The following ESRRG variants were observed in gnomAD, a reference collection of about 807,000 sequenced individuals.
The protein encoded by ESRRG is estrogen-related receptor gamma.
ESRRG carries 13 observed loss-of-function variants against 44.0 expected under a neutral mutation model. The observed-to-expected ratio is 0.30, with a 90% CI of 0.19 to 0.47. The LOEUF is 0.47. ESRRG is among the 20% of genes least tolerant of loss of function. The pLI, the probability that ESRRG is intolerant of heterozygous loss-of-function variation, is 1.00. For missense variants in ESRRG, 395 were observed against 580.6 expected (o/e 0.68, Z 3.29); for synonymous variants, 215 against 214.6 (o/e 1.00, Z -0.02).
intron 1 of ESRRG, chr1:216,714,568 A>G (rs2084387032): frequency 1.0e-6 from 1 of 982,560 alleles, no homozygotes; most frequent in Middle Eastern, 5.2e-4. Flanking sequence ...TGGTGACCAC[A>G]TTCTCAGGAT....
chr1:216,955,729 A>G (rs1345716571), intron 1 of ESRRG, among the ~76,000 whole-genome samples: 1 of 152,070 alleles, frequency 6.6e-6, no homozygotes, highest in Non-Finnish European at 1.5e-5. Flanking sequence ...CTTTTTGGTA[A>G]TAGCCATTCT....
intron 3 of ESRRG, among the ~76,000 whole-genome samples, chr1:216,595,839 T>C (rs190160666): frequency 2.6e-5 from 4 of 152,354 alleles, no homozygotes; most frequent in Non-Finnish European, 2.9e-5. Flanking sequence ...GCATTTTTTT[T>C]CCACATAATT....
In ESRRG at chr1:216,795,159, G is replaced by A. The variant is rs566984179; in HGVS notation, c.-13-117668C>T. On this transcript the variant is annotated intron_variant, in intron 2 of 7. Coordinates refer to the ESRRG transcript ENST00000359162. ...CTTACTTCTCAAAAATGTGAGTACC[G>A]ACCTGAAGACACGAAGTAATGTGTT... 1.1e-4 allele frequency among the ~76,000 whole-genome samples: 17 copies of A among 152,042 alleles called. No individual in the cohort carries two copies. The South Asian group carries it at 3.5e-3, about 32-fold the overall frequency.
At chr1:216,676,265 C>A (rs1427923055) in intron 2 of ESRRG, among the ~76,000 whole-genome samples, 3 of 151,944 alleles carry the variant, frequency 2.0e-5, no homozygotes, top group South Asian at 2.1e-4. Context: ...AAATTTCAGT[C>A]CTATTTTTCT....
chr1:216,955,069 T>C (rs2067694733), intron 1 of ESRRG, among the ~76,000 whole-genome samples: 1 of 152,184 alleles, frequency 6.6e-6, no homozygotes, highest in African/African-American at 2.4e-5. Context: ...ATTTCTCTTC[T>C]AGATTTTTTG....
At chr1:216,752,928 T>C (rs1347210814) in intron 2 of ESRRG, among the ~76,000 whole-genome samples, 1 of 152,080 alleles carries the variant, frequency 6.6e-6, no homozygotes, top group Non-Finnish European at 1.5e-5. Flanking sequence ...CAGAACTGTT[T>C]CAAGAAGAAT....
At chr1:216,916,231 T>C (rs1011424342) in intron 2 of ESRRG, among the ~76,000 whole-genome samples, 4 of 152,196 alleles carry the variant, frequency 2.6e-5, no homozygotes, top group African/African-American at 9.6e-5. Flanking sequence ...TTTCAAGTGC[T>C]CCCCTGTGTT....
At chr1:216,720,555 A>C (rs940197973) in intron 1 of ESRRG, among the ~76,000 whole-genome samples, 2 of 152,112 alleles carry the variant, frequency 1.3e-5, no homozygotes, top group South Asian at 4.1e-4. Flanking sequence ...ATCCCCTCTG[A>C]TCTCGGCTTT....
intron 2 of ESRRG, among the ~76,000 whole-genome samples, chr1:216,747,452 G>A (rs2091529047): frequency 6.6e-6 from 1 of 152,082 alleles, no homozygotes; most frequent in Non-Finnish European, 1.5e-5. Context: ...GCATCACAAG[G>A]ATATAATGAT....
chr1:216,746,629 C>T (rs370800304), intron 2 of ESRRG, among the ~76,000 whole-genome samples: 6 of 152,094 alleles, frequency 3.9e-5, no homozygotes, highest in Non-Finnish European at 8.8e-5. Context: ...TCACTTGGAA[C>T]GTCATACCAT....
chr1:216,577,609 C>T (rs2061921879), intron 3 of ESRRG, among the ~76,000 whole-genome samples: 1 of 151,926 alleles, frequency 6.6e-6, no homozygotes, highest in South Asian at 2.1e-4. Context: ...ATGCAAAATT[C>T]AATGCCCTGT....
intron 3 of ESRRG, among the ~76,000 whole-genome samples, chr1:216,619,733 A>G (rs2061926129): frequency 6.6e-6 from 1 of 152,182 alleles, no homozygotes; most frequent in Non-Finnish European, 1.5e-5. Flanking sequence ...TTTTCACAAC[A>G]TAGAATGGTT....
At chr1:216,826,687 T>A (rs2095402769) in intron 2 of ESRRG, among the ~76,000 whole-genome samples, 1 of 152,202 alleles carries the variant, frequency 6.6e-6, no homozygotes, top group African/African-American at 2.4e-5. Flanking sequence ...AGGAATTGAA[T>A]CTTTCTGAGT....
intron 1 of ESRRG, among the ~76,000 whole-genome samples, chr1:217,122,131 T>A (rs1309875359): frequency 6.6e-6 from 1 of 152,222 alleles, no homozygotes; most frequent in East Asian, 1.9e-4. Flanking sequence ...AGAAAGAAAC[T>A]GCTTATTTAA....
intron 1 of ESRRG, among the ~76,000 whole-genome samples, chr1:217,041,820 T>G (rs1057177378): frequency 6.6e-6 from 1 of 152,220 alleles, no homozygotes; most frequent in East Asian, 1.9e-4. Context: ...GAGTATGTGT[T>G]CTAATTTTAT....
intron 1 of ESRRG, among the ~76,000 whole-genome samples, chr1:216,984,140 T>C (rs1265758832): frequency 1.3e-5 from 2 of 152,160 alleles, no homozygotes; most frequent in South Asian, 2.1e-4. Context: ...AAGCAAATCT[T>C]GTGCTTTGTT....
At chr1:216,813,406 C>T (rs977349100) in intron 2 of ESRRG, among the ~76,000 whole-genome samples, 10 of 152,022 alleles carry the variant, frequency 6.6e-5, no homozygotes, top group African/African-American at 2.4e-4. Context: ...TCAGGAATCT[C>T]GTTATACTTG....
chr1:216,558,597 C>T (rs866130034), intron 5 of ESRRG, among the ~76,000 whole-genome samples: 1 of 152,044 alleles, frequency 6.6e-6, no homozygotes, highest in African/African-American at 2.4e-5. Flanking sequence ...ACATTTAGAT[C>T]ATGCTTTATA....
intron 3 of ESRRG, among the ~76,000 whole-genome samples, chr1:216,620,871 A>G (rs1014768972): frequency 3.3e-5 from 5 of 152,206 alleles, no homozygotes; most frequent in Admixed American, 3.3e-4. Context: ...TTCAAGGCAA[A>G]GCAGTATTTT....
Sources: gnomAD v4.1 joint callset for allele counts (sites outside exome capture counted in the v4.1 genomes callset) on GRCh38, gnomAD v4.1.1 for gene constraint, MANE v1.5 for transcripts, NCBI Gene and HGNC (gene_info 2026-07-23, HGNC 2026-07-21) for gene names.